The following PCDH15 variants were observed in gnomAD, a reference collection of about 807,000 sequenced individuals.
PCDH15 encodes the protein protocadherin-15.
A neutral mutation model predicts 178.5 loss-of-function variants in PCDH15; 129 were observed. The ratio of observed to expected loss-of-function variants is 0.72; its 90% CI spans 0.63 to 0.84. PCDH15 has a LOEUF of 0.84. PCDH15 is among the 40% of genes least tolerant of loss of function. The pLI, the probability that PCDH15 is intolerant of heterozygous loss-of-function variation, is 0.00. For missense variants in PCDH15, 2,230 were observed against 2,099.9 expected (o/e 1.06, Z -1.21); for synonymous variants, 800 against 732.0 (o/e 1.09, Z -1.50).
intron 2 of PCDH15, among the ~76,000 whole-genome samples, chr10:55,583,951 C>T (rs1052365277): frequency 7.9e-5 from 12 of 152,036 alleles, no homozygotes; most frequent in African/African-American, 2.9e-4. Context: ...GATCTTGGCT[C>T]ACTGCAGCCT....
Position 54,020,525 on chromosome 10 carries a change from A to G in PCDH15, c.2527-109T>C, listed in dbSNP as rs890733040. ...CTAGGACAGCATCAATTTAACGAGG[A>G]CAAAAAGACACGTTTTTTGTTTTTG... On this transcript the variant is annotated intron_variant, in intron 19 of 37. Coordinates refer to ENST00000644397, the MANE Select transcript of PCDH15 (RefSeq NM_001384140.1). 1.2e-5 allele frequency: 13 copies of G among 1,045,180 alleles called. No homozygotes were observed. The Admixed American group carries it at 2.0e-4, about 16-fold the overall frequency. 64.7% of individuals were successfully genotyped at this position (1,045,180 alleles called of 1,614,324 possible).
At chr10:54,168,369 A>G (rs1378042767) in intron 13 of PCDH15, among the ~76,000 whole-genome samples, 5 of 151,904 alleles carry the variant, frequency 3.3e-5, no homozygotes, top group South Asian at 4.2e-4. Flanking sequence ...AACCCCAAGC[A>G]TCGCTGAGTC....
intron 30 of PCDH15, among the ~76,000 whole-genome samples, chr10:53,828,861 A>T (rs2076860420): frequency 6.6e-6 from 1 of 152,204 alleles, no homozygotes; most frequent in Admixed American, 6.5e-5. Flanking sequence ...TGAGAATTTC[A>T]ACTCTAGTGG....
chr10:53,908,250 G>GAACA (rs969750844), intron 25 of PCDH15, among the ~76,000 whole-genome samples: 1 of 151,986 alleles, frequency 6.6e-6, no homozygotes, highest in Non-Finnish European at 1.5e-5. Context: ...TACCCCAAAC[G>GAACA]AACAAACAAA....
At chr10:53,878,517 T>TGG (rs2080450217) in intron 26 of PCDH15, among the ~76,000 whole-genome samples, 1 of 145,620 alleles carries the variant, frequency 6.9e-6, no homozygotes, top group African/African-American at 2.6e-5. Flanking sequence ...TATACGTGTG[T>TGG]GTGTGTATAT....
intron 3 of PCDH15, among the ~76,000 whole-genome samples, chr10:54,471,591 A>T (rs552321632): frequency 7.9e-5 from 12 of 152,146 alleles, no homozygotes; most frequent in Middle Eastern, 3.4e-3. Context: ...TATAGTAGGC[A>T]TTTAAAAAAT....
At chr10:55,341,793 A>T (rs1588933646) in intron 2 of PCDH15, among the ~76,000 whole-genome samples, 2 of 12,906 alleles carry the variant, frequency 1.5e-4, no homozygotes, top group Non-Finnish European at 3.2e-4. Flanking sequence ...ATATATATAT[A>T]TATATATATA....
chr10:54,048,047 T>C (rs2093691130), intron 18 of PCDH15, among the ~76,000 whole-genome samples: 1 of 152,134 alleles, frequency 6.6e-6, no homozygotes, highest in African/African-American at 2.4e-5. Flanking sequence ...CATTCCCTTT[T>C]TTCCACACCT....
At chr10:55,409,689 A>G (rs577431000) in intron 2 of PCDH15, among the ~76,000 whole-genome samples, 1 of 152,310 alleles carries the variant, frequency 6.6e-6, no homozygotes, top group East Asian at 1.9e-4. Flanking sequence ...AGAAAAATCT[A>G]TAGCAAATAG....
intron 9 of PCDH15, among the ~76,000 whole-genome samples, chr10:54,220,900 G>T (rs959724730): frequency 1.3e-5 from 2 of 151,772 alleles, no homozygotes; most frequent in South Asian, 4.2e-4. Context: ...CTTGGACAAA[G>T]AGTAAAACCA....
At chr10:53,872,196 T>C (rs2079918318) in intron 26 of PCDH15, among the ~76,000 whole-genome samples, 1 of 152,158 alleles carries the variant, frequency 6.6e-6, no homozygotes, top group Non-Finnish European at 1.5e-5. Flanking sequence ...TTCATTGAGA[T>C]GACACATCCA....
intron 2 of PCDH15, among the ~76,000 whole-genome samples, chr10:55,328,125 G>A (rs1213842623): frequency 2.0e-5 from 3 of 151,784 alleles, no homozygotes; most frequent in Admixed American, 2.0e-4. Context: ...TCCCTTATAT[G>A]AGAAACATAT....
At chr10:54,209,018 A>G (rs2051124360) in intron 10 of PCDH15, among the ~76,000 whole-genome samples, 1 of 151,808 alleles carries the variant, frequency 6.6e-6, no homozygotes. Context: ...TGATATACAC[A>G]TTAGAGTAGA....
intron 2 of PCDH15, among the ~76,000 whole-genome samples, chr10:54,956,107 A>T (rs1206854097): frequency 6.6e-6 from 1 of 151,376 alleles, no homozygotes; most frequent in African/African-American, 2.4e-5. Flanking sequence ...GAGAGCTGAG[A>T]CCTGCTATTT....
chr10:55,176,056 C>G (rs967766784), intron 1 of PCDH15, among the ~76,000 whole-genome samples: 17 of 152,026 alleles, frequency 1.1e-4, no homozygotes, highest in African/African-American at 3.9e-4. Flanking sequence ...GGGCTCCTCT[C>G]TCCAGCTCCG....
intron 3 of PCDH15, among the ~76,000 whole-genome samples, chr10:54,504,767 A>ATAGG (rs1289917682): frequency 2.0e-5 from 3 of 152,096 alleles, no homozygotes; most frequent in Middle Eastern, 3.2e-3. Context: ...ACACATCTTA[A>ATAGG]TAGGTACAGA....
At chr10:55,163,444 C>T (rs1284692754) in intron 2 of PCDH15, among the ~76,000 whole-genome samples, 1 of 152,066 alleles carries the variant, frequency 6.6e-6, no homozygotes, top group African/African-American at 2.4e-5. Context: ...TTGATTTTAT[C>T]AGAGGCATTC....
chr10:55,356,432 T>G (rs575082541), intron 2 of PCDH15, among the ~76,000 whole-genome samples: 1 of 151,980 alleles, frequency 6.6e-6, no homozygotes, highest in African/African-American at 2.4e-5. Flanking sequence ...GAGCTAATAT[T>G]GGTAATAGGA....
chr10:54,833,635 A>G (rs968171527), intron 3 of PCDH15, among the ~76,000 whole-genome samples: 1 of 152,166 alleles, frequency 6.6e-6, no homozygotes, highest in African/African-American at 2.4e-5. Flanking sequence ...ACAGTCATGT[A>G]AGCCAGTTCC....
Sources: allele counts gnomAD v4.1 joint callset (sites outside exome capture counted in the v4.1 genomes callset), GRCh38; gene constraint gnomAD v4.1.1; transcripts MANE v1.5; gene names NCBI Gene and HGNC (gene_info 2026-07-23, HGNC 2026-07-21).